Variants in LMTK2 observed in about 807,000 individuals in gnomAD.
LMTK2 encodes the protein lemur tail kinase 2.
Under a neutral mutation model 127.5 loss-of-function variants are expected in LMTK2, and 37 were observed. The observed-to-expected ratio is 0.29, with a 90% CI of 0.22 to 0.38. LMTK2 has a LOEUF of 0.38. Among genes scored for constraint, LMTK2 ranks in the 10% least tolerant of loss-of-function variants. The probability of loss-of-function intolerance (pLI) is 1.00; values close to 1 mark genes in which losing one functional copy is unlikely to be tolerated. For missense variants in LMTK2, 1,694 were observed against 1,920.3 expected (o/e 0.88, Z 2.20); for synonymous variants, 819 against 810.1 (o/e 1.01, Z -0.19).
In LMTK2 at chr7:98,196,838, A is replaced by G. The variant is rs996957373; in HGVS notation, c.4107+2266A>G. ...AGGCTTTGACAAGGAAGTTAGTGTCAAGGAGAAAGTCGGAAGGTGGGTCAG... is the reference window on the plus strand; with the variant it reads ...AGGCTTTGACAAGGAAGTTAGTGTCGAGGAGAAAGTCGGAAGGTGGGTCAG... On this transcript the variant is annotated intron_variant, in intron 11 of 13. Transcript: ENST00000297293. Among the ~76,000 whole-genome samples, 9 of 152,344 alleles carry G rather than the reference A, an allele frequency of 5.9e-5. No individual in the cohort carries two copies. In the East Asian group the frequency reaches 1.7e-3, roughly 29 times the overall value.
rs762873066 is a variant in LMTK2 at position 98,206,878 on chromosome 7, G to C, written c.*1386G>C. The C allele has an allele frequency of 6.6e-6, 1 of 152,294 alleles. No homozygotes were observed. Among genetic ancestry groups the C allele is most frequent in the Admixed American group, 6.5e-5 (1 of 15,276 alleles). 9.4% of individuals were successfully genotyped at this position (152,294 alleles called of 1,614,324 possible). On this transcript the variant is annotated 3_prime_UTR_variant, in exon 14 of 14. Coordinates refer to ENST00000297293, the MANE Select transcript of LMTK2 (RefSeq NM_014916.4). ...GGCCGACGGCAGAGCATCAGCAGCC[G>C]ACACATAGTTCGGGTCGGGGCCTTG... is the stretch of plus-strand genomic sequence containing the variant.
In LMTK2 at chr7:98,192,607, G is replaced by GAATGTTCA. The variant is rs1562920922; in HGVS notation, c.2144_2151dup (p.Glu718MetfsTer18). ...TGCACCAAGATAATTTTGATCCATT[G>GAATGTTCA]AATGTTCAAGAATTGTCAGAAAACT... On this transcript the variant is annotated frameshift_variant, in exon 11 of 14. Transcript: ENST00000297293. LOFTEE classifies it high-confidence loss of function. 1 of 1,613,028 alleles carries GAATGTTCA rather than the reference G, an allele frequency of 6.2e-7. No individual in the cohort carries two copies. Among genetic ancestry groups the GAATGTTCA allele is most frequent in the Admixed American group, 1.7e-5 (1 of 59,866 alleles).
At chr7:98,187,881 G>C (rs1417260177) in intron 9 of LMTK2, among the ~76,000 whole-genome samples, 2 of 152,170 alleles carry the variant, frequency 1.3e-5, no homozygotes, top group Non-Finnish European at 2.9e-5. Context: ...ACAGGCGTGA[G>C]CCACCGCACC....
intron 7 of LMTK2, among the ~76,000 whole-genome samples, chr7:98,172,690 A>G (rs988451070): frequency 1.2e-4 from 18 of 152,214 alleles, no homozygotes; most frequent in South Asian, 6.2e-4. Context: ...TTAGTAATCC[A>G]TTGACCTAAA....
chr7:98,145,750 C>G (rs1344724775), intron 3 of LMTK2, among the ~76,000 whole-genome samples: 2 of 152,124 alleles, frequency 1.3e-5, no homozygotes, highest in Non-Finnish European at 2.9e-5. Context: ...TTCTCAAATT[C>G]TATATGTTCT....
intron 1 of LMTK2, among the ~76,000 whole-genome samples, chr7:98,115,524 T>G (rs1796267422): frequency 6.6e-6 from 1 of 151,822 alleles, no homozygotes; most frequent in African/African-American, 2.4e-5. Flanking sequence ...AAGGTTTGGT[T>G]TTGGGCCGGG....
chr7:98,149,467 C>T (rs867033816), intron 3 of LMTK2, among the ~76,000 whole-genome samples: 2 of 152,170 alleles, frequency 1.3e-5, no homozygotes, highest in Admixed American at 6.5e-5. Context: ...CCAGAGGAGA[C>T]ATCTCTGCTC....
At chr7:98,188,123 A>G (rs1797468876) in intron 9 of LMTK2, among the ~76,000 whole-genome samples, 1 of 152,084 alleles carries the variant, frequency 6.6e-6, no homozygotes, top group South Asian at 2.1e-4. Flanking sequence ...GAAATTTTGT[A>G]TTCGTTAGTC....
intron 5 of LMTK2, among the ~76,000 whole-genome samples, chr7:98,155,316 C>G (rs1374396835): frequency 6.6e-6 from 1 of 152,146 alleles, no homozygotes; most frequent in Non-Finnish European, 1.5e-5. Context: ...AACAAAAGAT[C>G]CAGCATTATT....
At chr7:98,133,593 A>G (rs1227301234) in intron 1 of LMTK2, among the ~76,000 whole-genome samples, 1 of 152,126 alleles carries the variant, frequency 6.6e-6, no homozygotes, top group East Asian at 1.9e-4. Flanking sequence ...AAAAATGTCT[A>G]CTTGAAGCTA....
At position 98,191,909 on chromosome 7, in the gene LMTK2, A is replaced by C; in HGVS notation, c.1444A>C (p.Lys482Gln). 1 of 1,614,150 alleles carries C rather than the reference A, an allele frequency of 6.2e-7. No homozygotes were observed. Among genetic ancestry groups the C allele is most frequent in the South Asian group, 1.1e-5 (1 of 91,078 alleles). Reference sequence around the variant, plus strand: ...CTTCGAGTATGTCTGGGAGGCCGCTAAGCACGACCACTTTGACGAGCGCAG... The same window carrying C: ...CTTCGAGTATGTCTGGGAGGCCGCTCAGCACGACCACTTTGACGAGCGCAG... ...LSFEYVWEAAKHDHFDERSRG... is the reference protein window; with the variant it reads ...LSFEYVWEAAQHDHFDERSRG... The change falls in exon 11 of 14, where the codon AAG becomes CAG. Residue 482 changes from lysine (K) to glutamine (Q), a missense_variant. By Grantham distance (53) the Lys-to-Gln change is moderately conservative (BLOSUM62 1). Transcript: ENST00000297293.
intron 1 of LMTK2, among the ~76,000 whole-genome samples, chr7:98,109,692 C>T (rs188521081): frequency 2.4e-3 from 349 of 142,762 alleles, no homozygotes; most frequent in African/African-American, 8.7e-3. Flanking sequence ...TACAGTGAGC[C>T]GAGATTGTGC....
At chr7:98,181,667 T>G (rs1797357454) in intron 7 of LMTK2, among the ~76,000 whole-genome samples, 1 of 152,232 alleles carries the variant, frequency 6.6e-6, no homozygotes, top group Non-Finnish European at 1.5e-5. Flanking sequence ...TTTTCTTTTT[T>G]CTTTTTTCTT....
intron 5 of LMTK2, among the ~76,000 whole-genome samples, chr7:98,157,016 G>T (rs1241041832): frequency 6.6e-6 from 1 of 152,190 alleles, no homozygotes; most frequent in Non-Finnish European, 1.5e-5. Context: ...GAGAAGCTGA[G>T]GCTGGAGGAT....
chr7:98,156,618 ATACGT>A (rs1454068728), intron 5 of LMTK2, among the ~76,000 whole-genome samples: 2 of 152,226 alleles, frequency 1.3e-5, no homozygotes, highest in Non-Finnish European at 1.5e-5. Context: ...AAAACAAAAC[ATACGT>A]TAAGTTATAT....
intron 6 of LMTK2, among the ~76,000 whole-genome samples, chr7:98,165,208 T>C (rs1490341252): frequency 3.9e-5 from 6 of 152,222 alleles, no homozygotes; most frequent in Non-Finnish European, 8.8e-5. Flanking sequence ...GGGAGTACGA[T>C]GAGGAAGCTC....
chr7:98,107,212 TGC>T lies in LMTK2; in HGVS notation c.36_37del (p.Leu13AlafsTer57). 1 of 1,460,160 alleles carries T rather than the reference TGC, an allele frequency of 6.8e-7. No homozygotes were observed. The highest frequency in any genetic ancestry group is 9.0e-7 in the Non-Finnish European group (1 of 1,112,996). 90.5% of individuals were successfully genotyped at this position (1,460,160 alleles called of 1,614,324 possible). Reference sequence around the variant, plus strand: ...CCGCCGGCGTTGCGGCGGAGGCTGCTGCTGCTGCTGCTGGTCCTCCTGATCGC... The same window carrying T: ...CCGCCGGCGTTGCGGCGGAGGCTGCTTGCTGCTGCTGGTCCTCCTGATCGC... On this transcript the variant is annotated frameshift_variant, in exon 1 of 14. Transcript: ENST00000297293. LOFTEE classifies it high-confidence loss of function.
At chr7:98,197,139 C>A (rs1797633657) in intron 11 of LMTK2, among the ~76,000 whole-genome samples, 1 of 152,260 alleles carries the variant, frequency 6.6e-6, no homozygotes, top group Non-Finnish European at 1.5e-5. Context: ...TCAGCAAATA[C>A]TTAACCAGCA....
chr7:98,189,931 C>A (rs1455879044), intron 9 of LMTK2, among the ~76,000 whole-genome samples: 1 of 151,954 alleles, frequency 6.6e-6, no homozygotes, highest in Non-Finnish European at 1.5e-5. Context: ...GAGAGGATAT[C>A]GTCTTGCCCA....
Sources: allele counts gnomAD v4.1 joint callset (sites outside exome capture counted in the v4.1 genomes callset), GRCh38; gene constraint gnomAD v4.1.1; transcripts MANE v1.5; gene names NCBI Gene and HGNC (gene_info 2026-07-23, HGNC 2026-07-21).